The following SACS variants were observed in gnomAD, a reference collection of about 807,000 sequenced individuals.
SACS encodes the protein sacsin.
A neutral mutation model predicts 348.0 loss-of-function variants in SACS; 197 were observed. That is an observed-to-expected ratio of 0.57 (90% CI 0.50 to 0.64). The LOEUF is 0.64. Ranked by LOEUF, SACS falls within the 30% of genes least tolerant of loss-of-function variation. The pLI, the probability that SACS is intolerant of heterozygous loss-of-function variation, is 0.00. For missense variants in SACS, 4,999 were observed against 5,360.8 expected (o/e 0.93, Z 2.11); for synonymous variants, 1,985 against 1,910.6 (o/e 1.04, Z -1.02).
chr13:23,351,093 G>A (rs1869927165), intron 9 of SACS, among the ~76,000 whole-genome samples: 1 of 152,144 alleles, frequency 6.6e-6, no homozygotes, highest in Non-Finnish European at 1.5e-5. Context: ...CAATCCCTCT[G>A]CTATGTCTTC....
intron 2 of SACS, among the ~76,000 whole-genome samples, chr13:23,406,727 C>CA (rs1285840662): frequency 4.0e-5 from 6 of 151,752 alleles, no homozygotes; most frequent in Non-Finnish European, 7.4e-5. Flanking sequence ...AATTAATGGG[C>CA]AAAAAAACCC....
Position 23,332,970 on chromosome 13 carries a change from G to A in SACS, c.10906C>T (p.Arg3636Ter), listed in dbSNP as rs780247476. 1.7e-5 allele frequency: 27 copies of A among 1,613,678 alleles called. No individual in the cohort carries two copies. The highest frequency in any genetic ancestry group is 2.2e-5 in the Non-Finnish European group (26 of 1,179,864). ...AAATTTCCAGATAACAAATCCATTC[G>A]TTCTTGGAATATATGATGCAGAAGG... Reference protein sequence around the residue: ...DILLHHIFQERMDLLSGNFLK... With the variant: ...DILLHHIFQE The change falls in exon 10 of 10, where the codon CGA (arginine) becomes TGA (stop). Residue 3636 changes from arginine (R) to a stop codon, truncating the protein, a stop_gained. Transcript: ENST00000382292. LOFTEE classifies it high-confidence loss of function.
intron 9 of SACS, among the ~76,000 whole-genome samples, chr13:23,352,244 C>T (rs1198410565): frequency 1.3e-5 from 2 of 152,208 alleles, no homozygotes; most frequent in Admixed American, 6.5e-5. Context: ...ATAAACCACA[C>T]AGTAAAATAC....
In SACS at chr13:23,402,992, T is replaced by C. The variant is rs568060222; in HGVS notation, c.20+8228A>G. 3.3e-5 allele frequency among the ~76,000 whole-genome samples: 5 copies of C among 152,086 alleles called. No individual in the cohort carries two copies. The South Asian group carries it at 8.3e-4, about 25-fold the overall frequency. ...GAGTTCGAGACCAGCCTGGCCGACA[T>C]GATGAAACCCTGTCTCTACTAAAAA... On this transcript the variant is annotated intron_variant, in intron 2 of 9. Transcript: ENST00000382292.
At chr13:23,406,740 C>T (rs1416180212) in intron 2 of SACS, among the ~76,000 whole-genome samples, 1 of 152,136 alleles carries the variant, frequency 6.6e-6, no homozygotes, top group Non-Finnish European at 1.5e-5. Context: ...AAAAACCCCT[C>T]ACGTCATCAA....
intron 6 of SACS, 101 bp downstream of exon 6, chr13:23,365,065 A>G (rs1870976971): frequency 5.0e-6 from 4 of 792,566 alleles, no homozygotes; most frequent in Non-Finnish European, 8.4e-6. Flanking sequence ...CATGCCAAAA[A>G]GTACAAATGA....
rs546953460 is a variant in SACS, at chr13:23,372,013, A to T, written c.172-848T>A. Among the ~76,000 whole-genome samples, 20 of 152,326 alleles carry T rather than the reference A, an allele frequency of 1.3e-4. No homozygotes were observed. The East Asian group carries it at 2.7e-3, about 21-fold the overall frequency. On this transcript the variant is annotated intron_variant, in intron 3 of 9. Coordinates refer to ENST00000382292, the MANE Select transcript of SACS (RefSeq NM_014363.6). Reference sequence around the variant, plus strand: ...CTCTATTTGAAAAAAATTTTTTTTTAAATTTGTGTACAGTTTAGTTAATTC... The same window carrying T: ...CTCTATTTGAAAAAAATTTTTTTTTTAATTTGTGTACAGTTTAGTTAATTC...
rs774321536 is a variant in SACS, at chr13:23,329,394, G to A, written c.*742C>T. 2 of 751,944 alleles carry A rather than the reference G, an allele frequency of 2.7e-6. No homozygotes were observed. The highest frequency in any genetic ancestry group is 4.9e-6 in the Non-Finnish European group (2 of 408,478). The allele number at this position is 751,944 out of a possible 1,614,324, so 46.6% of individuals were successfully genotyped here. On this transcript the variant is annotated 3_prime_UTR_variant, in exon 10 of 10. Transcript: ENST00000382292. ...CTAACAGTTAATAAATGTTGTCTTG[G>A]CAAGCAGTTTCCAGAAACAATACTA... is the stretch of plus-strand genomic sequence containing the variant.
In SACS at chr13:23,399,235, T is replaced by C. The variant is rs115687436; in HGVS notation, c.20+11985A>G. ...ACATCCCAAACTCCTCCCTGTCAGA[T>C]ACAGTAAGTTCCTTTTCAAAGGTTT... On this transcript the variant is annotated intron_variant, in intron 2 of 9. Coordinates refer to ENST00000382292, the MANE Select transcript of SACS (RefSeq NM_014363.6). Among the ~76,000 whole-genome samples, 1,269 of 152,218 alleles carry C rather than the reference T, an allele frequency of 8.3e-3. 16 individuals are homozygous for C. Among genetic ancestry groups the C allele is most frequent in the African/African-American group, 0.03 (1,231 of 41,532 alleles).
chr13:23,388,538 C>A (rs1396865506), intron 2 of SACS, among the ~76,000 whole-genome samples: 1 of 144,282 alleles, frequency 6.9e-6, no homozygotes. Context: ...TACTACTCAG[C>A]CATTAAAAAA....
intron 2 of SACS, among the ~76,000 whole-genome samples, chr13:23,388,916 G>A (rs1187613852): frequency 6.6e-6 from 1 of 152,000 alleles, no homozygotes; most frequent in African/African-American, 2.4e-5. Flanking sequence ...GTATTTCAGG[G>A]TGATAAAATA....
rs1271850961 is a variant in SACS at position 23,411,491 on chromosome 13, G to C, written c.-252C>G. 1 of 540,358 alleles carries C rather than the reference G, an allele frequency of 1.9e-6. No individual in the cohort carries two copies. The highest frequency in any genetic ancestry group is 3.3e-6 in the Non-Finnish European group (1 of 306,702). The allele number at this position is 540,358 out of a possible 1,614,324, so 33.5% of individuals were successfully genotyped here. A position where few individuals can be genotyped will look rare whatever the true frequency, so the allele number is the denominator to read the frequency against. On this transcript the variant is annotated 5_prime_UTR_variant, in exon 2 of 10. Coordinates refer to ENST00000382292, the MANE Select transcript of SACS (RefSeq NM_014363.6). The stretch of plus-strand genomic sequence containing the variant: ...GATAATGGTTGCCTGCTGATCCAGC[G>C]ACCCATGGAAGTTCTCAGGATAAAA...
In SACS at chr13:23,339,455, A is replaced by G. The variant is rs774039910; in HGVS notation, c.4421T>C (p.Val1474Ala). The change falls in exon 10 of 10, where the codon GTG (valine) becomes GCG (alanine). Residue 1474 changes from valine to alanine, a missense_variant. Around this residue, in one of 6 missense-constraint regions of SACS, gnomAD observed 3,156 missense variants for 3,380.1 expected, o/e 0.93. Transcript: ENST00000382292. The part of the protein sequence containing the change: ...IKNILEEYPS[V>A]SDIFKELLQN... ...AAGTAGTTCTTTAAAAATATCTGAC[A>G]CTGAAGGGTATTCTTCCAGAATATT... The G allele has an allele frequency of 1.2e-6, 2 of 1,604,916 alleles. No individual in the cohort carries two copies. Among genetic ancestry groups the G allele is most frequent in the Admixed American group, 1.7e-5 (1 of 58,790 alleles).
Position 23,330,543 on chromosome 13 carries a change from C to G in SACS, c.13333G>C (p.Val4445Leu). The G allele has an allele frequency of 2.5e-6, 4 of 1,614,130 alleles. No homozygotes were observed. In the South Asian group the frequency reaches 4.4e-5, roughly 18 times the overall value. ...TGTCTTAGCCATCTGCGTGCTTCCACTGGATTGCCAACCGACTTGAAAGTG... is the reference window on the plus strand; with the variant it reads ...TGTCTTAGCCATCTGCGTGCTTCCAGTGGATTGCCAACCGACTTGAAAGTG... ...PPTFKSVGNP[V>L]EARRWLRQAR... is the part of the protein sequence containing the mutation. Residue 4445 changes from valine to leucine, a missense_variant, in exon 10 of 10, where the codon GTG becomes CTG. By Grantham distance (32) the Val-to-Leu change is conservative. Coordinates refer to ENST00000382292, the MANE Select transcript of SACS (RefSeq NM_014363.6).
chr13:23,416,519 A>G (rs1174302919), intron 1 of SACS, among the ~76,000 whole-genome samples: 1 of 152,170 alleles, frequency 6.6e-6, no homozygotes, highest in African/African-American at 2.4e-5. Flanking sequence ...GCACTTTGGG[A>G]GGCCACAGAG....
chr13:23,358,199 A>C (rs547404668), intron 7 of SACS, 136 bp downstream of exon 7: 1 of 878,064 alleles, frequency 1.1e-6, no homozygotes, highest in African/African-American at 1.7e-5. Context: ...TTTCATTGAC[A>C]TACCTCCTGC....
At chr13:23,359,200 AAAAG>A (rs1382473663) in intron 6 of SACS, among the ~76,000 whole-genome samples, 1 of 152,204 alleles carries the variant, frequency 6.6e-6, no homozygotes, top group African/African-American at 2.4e-5. Context: ...AGAAAAAAGA[AAAAG>A]AAATATGGAG....
chr13:23,399,965 G>A lies in SACS; in HGVS notation c.20+11255C>T, dbSNP rs1321942239. On this transcript the variant is annotated intron_variant, in intron 2 of 9. Transcript: ENST00000382292. Reference sequence around the variant, plus strand: ...ACCAATATATACTCTTAACCTATAAGAGAAAGTGCTCCTGACTGCTATCGG... The same window carrying A: ...ACCAATATATACTCTTAACCTATAAAAGAAAGTGCTCCTGACTGCTATCGG... Among the ~76,000 whole-genome samples, 3 of 152,172 alleles carry A rather than the reference G, an allele frequency of 2.0e-5. No individual in the cohort carries two copies. In the East Asian group the frequency reaches 5.8e-4, roughly 29 times the overall value.
chr13:23,394,710 C>G (rs1872646596), intron 2 of SACS, among the ~76,000 whole-genome samples: 1 of 152,088 alleles, frequency 6.6e-6, no homozygotes, highest in Non-Finnish European at 1.5e-5. Flanking sequence ...AAAAAATTAG[C>G]CAGGTGTGGT....
Sources: allele counts gnomAD v4.1 joint callset (sites outside exome capture counted in the v4.1 genomes callset), GRCh38; gene constraint gnomAD v4.1.1; regional missense constraint gnomAD v4.1.1; transcripts MANE v1.5; gene names NCBI Gene and HGNC (gene_info 2026-07-23, HGNC 2026-07-21).